PCDHA6: variants seen among roughly 807,000 people sequenced by gnomAD.
PCDHA6 encodes protocadherin alpha-6.
PCDHA6 carries 55 observed loss-of-function variants against 60.3 expected under a neutral mutation model. That is an observed-to-expected ratio of 0.91 (90% CI 0.73 to 1.14). PCDHA6 has a LOEUF of 1.14. PCDHA6 is among the 50% of genes most tolerant of loss of function. PCDHA6 has a pLI of 0.00. For missense variants in PCDHA6, 1,327 were observed against 1,256.5 expected (o/e 1.06, Z -0.85); for synonymous variants, 652 against 557.9 (o/e 1.17, Z -2.38).
intron 1 of PCDHA6, chr5:140,843,204 C>A (rs199959178): frequency 6.3e-7 from 1 of 1,596,052 alleles, no homozygotes; most frequent in South Asian, 1.1e-5. Flanking sequence ...GGGCTGTACA[C>A]GGGCGAGATC....
chr5:140,887,482 CT>C lies in PCDHA6; in HGVS notation c.2394+56999del, dbSNP rs2061466213. 4.6e-5 allele frequency among the ~76,000 whole-genome samples: 7 copies of C among 152,170 alleles called. 1 individual carries two copies. The highest frequency in any genetic ancestry group is 4.6e-4 in the Admixed American group (7 of 15,274). ...AAGATATAATTCAGTTGTCTTCTGG[CT>C]TGCATAGTTTCTAATAAGATGTTTG... On this transcript the variant is annotated intron_variant, in intron 1 of 3. Coordinates refer to ENST00000529310, the MANE Select transcript of PCDHA6 (RefSeq NM_018909.4).
intron 1 of PCDHA6, among the ~76,000 whole-genome samples, chr5:140,839,496 C>G (rs1776254419): frequency 6.6e-6 from 1 of 151,958 alleles, no homozygotes; most frequent in African/African-American, 2.4e-5. Context: ...CTCAAGTGAT[C>G]TTCCTACCTC....
chr5:140,945,539 A>G (rs1233256432), intron 1 of PCDHA6, among the ~76,000 whole-genome samples: 1 of 152,052 alleles, frequency 6.6e-6, no homozygotes, highest in Non-Finnish European at 1.5e-5. Flanking sequence ...AAACATACAA[A>G]CAAAAAAATG....
At chr5:140,851,909 A>G in intron 1 of PCDHA6, 1 of 970,994 alleles carries the variant, frequency 1.0e-6, no homozygotes, top group Non-Finnish European at 1.2e-6. Context: ...CTTTAATGTC[A>G]CTACATGTTA....
intron 1 of PCDHA6, chr5:140,927,305 C>A: frequency 6.2e-7 from 1 of 1,614,190 alleles, no homozygotes; most frequent in African/African-American, 1.3e-5. Flanking sequence ...GAGTTCCTGA[C>A]GCCCGGAGCC....
In PCDHA6 at chr5:140,912,862, T is replaced by C. The variant is rs181526076; in HGVS notation, c.2395-66087T>C. On this transcript the variant is annotated intron_variant, in intron 1 of 3. Coordinates refer to ENST00000529310, the MANE Select transcript of PCDHA6 (RefSeq NM_018909.4). Reference sequence around the variant, plus strand: ...GCTTTTTCAGCATCAATTGAAATGATATATGGTTTTTGGTCTTCATTCTGT... The same window carrying C: ...GCTTTTTCAGCATCAATTGAAATGACATATGGTTTTTGGTCTTCATTCTGT... Among the ~76,000 whole-genome samples, 6 of 152,338 alleles carry C rather than the reference T, an allele frequency of 3.9e-5. No individual in the cohort carries two copies. In the East Asian group the frequency reaches 1.2e-3, roughly 29 times the overall value.
At chr5:140,832,312 C>G (rs2150200797) in intron 1 of PCDHA6, among the ~76,000 whole-genome samples, 49 of 152,244 alleles carry the variant, frequency 3.2e-4, no homozygotes, top group African/African-American at 1.1e-3. Flanking sequence ...TTAAAAGTTG[C>G]TTAAGGGCCA....
chr5:140,952,873 A>G (rs1554220663), intron 1 of PCDHA6, among the ~76,000 whole-genome samples: 1 of 152,168 alleles, frequency 6.6e-6, no homozygotes, highest in South Asian at 2.1e-4. Context: ...GGAAACTTAC[A>G]ATCATGGTGG....
chr5:140,918,334 A>G (rs1419491986), intron 1 of PCDHA6, among the ~76,000 whole-genome samples: 1 of 152,144 alleles, frequency 6.6e-6, no homozygotes, highest in Non-Finnish European at 1.5e-5. Context: ...ATTGTCTGCT[A>G]AGAGAGATAG....
chr5:140,855,191 C>T (rs1029956602), intron 1 of PCDHA6, among the ~76,000 whole-genome samples: 1 of 149,742 alleles, frequency 6.7e-6, no homozygotes, highest in East Asian at 1.9e-4. Flanking sequence ...CAAATTGAGG[C>T]CTGAGAATAG....
At chr5:140,884,577 T>C (rs2060274481) in intron 1 of PCDHA6, 2 of 1,614,230 alleles carry the variant, frequency 1.2e-6, no homozygotes, top group East Asian at 4.5e-5. Context: ...ACGGACCTCA[T>C]GGCCTTCAGT....
intron 1 of PCDHA6, among the ~76,000 whole-genome samples, chr5:140,879,506 A>T (rs1156992401): frequency 1.3e-5 from 2 of 152,224 alleles, no homozygotes; most frequent in Non-Finnish European, 2.9e-5. Context: ...CTCAGAAGAG[A>T]TTATTGATAT....
chr5:140,927,459 A>G (rs2084222098), intron 1 of PCDHA6: 1 of 1,614,018 alleles, frequency 6.2e-7, no homozygotes, highest in Non-Finnish European at 8.5e-7. Flanking sequence ...TGTTGGAGAA[A>G]GCACTGGATC....
chr5:140,917,333 G>A (rs1301739777), intron 1 of PCDHA6, among the ~76,000 whole-genome samples: 2 of 148,632 alleles, frequency 1.3e-5, no homozygotes, highest in African/African-American at 4.9e-5. Flanking sequence ...GCGGGGGAGG[G>A]GGGGGATGGT....
chr5:140,834,240 C>A, intron 1 of PCDHA6: 1 of 807,006 alleles, frequency 1.2e-6, no homozygotes, highest in Non-Finnish European at 1.9e-6. Flanking sequence ...CATTCCTTTT[C>A]GCACTGGAAA....
Position 140,829,233 on chromosome 5 carries a change from C to T in PCDHA6, c.1142C>T (p.Ala381Val). ...LISVNDLDSG[A>V]NGQVNCSLTP... ...AGCGTGAACGACCTCGATTCAGGTGCCAACGGGCAGGTGAACTGCTCGCTG... is the reference window on the plus strand; with the variant it reads ...AGCGTGAACGACCTCGATTCAGGTGTCAACGGGCAGGTGAACTGCTCGCTG... The change falls in exon 1 of 4, where the codon GCC becomes GTC. Residue 381 changes from alanine (A) to valine (V), a missense_variant. Transcript: ENST00000529310. 1 of 1,614,254 alleles carries T rather than the reference C, an allele frequency of 6.2e-7. No homozygotes were observed. The highest frequency in any genetic ancestry group is 8.5e-7 in the Non-Finnish European group (1 of 1,180,054).
At position 140,912,741 on chromosome 5, in the gene PCDHA6, C is replaced by T. The variant is rs371215646; in HGVS notation, c.2395-66208C>T. Among the ~76,000 whole-genome samples the T allele has an allele frequency of 2.1e-3, 323 of 152,182 alleles. 1 individual carries two copies. Among genetic ancestry groups the T allele is most frequent in the African/African-American group, 7.6e-3 (315 of 41,526 alleles). ...ATTCAATATGATGTTGGCTGTGGGT[C>T]TGTCATAGATGGCTTTTATTACTTT... On this transcript the variant is annotated intron_variant, in intron 1 of 3. Transcript: ENST00000529310.
intron 1 of PCDHA6, among the ~76,000 whole-genome samples, chr5:140,908,655 G>C (rs1419890192): frequency 6.6e-6 from 1 of 152,176 alleles, no homozygotes; most frequent in East Asian, 1.9e-4. Context: ...ATGGGGGCCT[G>C]CCAAAGGCTC....
chr5:140,837,515 A>C (rs1170524958), intron 1 of PCDHA6, among the ~76,000 whole-genome samples: 2 of 96,498 alleles, frequency 2.1e-5, no homozygotes, highest in African/African-American at 1.1e-4. Context: ...GAAGCAGTTT[A>C]CTTTTTTTGT....
Sources: gnomAD v4.1 joint callset for allele counts (sites outside exome capture counted in the v4.1 genomes callset) on GRCh38, gnomAD v4.1.1 for gene constraint, MANE v1.5 for transcripts, NCBI Gene and HGNC (gene_info 2026-07-23, HGNC 2026-07-21) for gene names.